The following SLC26A6 variants were observed in gnomAD, a reference collection of about 807,000 sequenced individuals.
SLC26A6 encodes the protein solute carrier family 26 member 6.
Under a neutral mutation model 87.1 loss-of-function variants are expected in SLC26A6, and 67 were observed. The ratio of observed to expected loss-of-function variants is 0.77; its 90% confidence interval spans 0.63 to 0.94. SLC26A6 has a LOEUF of 0.94. SLC26A6 is among the 40% of genes least tolerant of loss of function. SLC26A6 has a pLI of 0.00. For missense variants in SLC26A6, 902 were observed against 973.0 expected (o/e 0.93, Z 0.97); for synonymous variants, 414 against 405.9 (o/e 1.02, Z -0.24).
chr3:48,625,924 AG>A lies in SLC26A6; in HGVS notation c.*61del, dbSNP rs1459427590. On this transcript the variant is annotated 3_prime_UTR_variant, in exon 21 of 21. Coordinates refer to ENST00000395550, the MANE Select transcript of SLC26A6 (RefSeq NM_022911.3). The surrounding 1 kb of genome is among the most constrained non-coding windows in gnomAD (Gnocchi z 4.7). ...AGCACCTGGAGGCGGCCTAGGGGTG[AG>A]GGGCTTCTCAAGGGTGCCCTGCACC... is the stretch of plus-strand genomic sequence containing the variant. 1.2e-6 allele frequency: 2 copies of A among 1,610,574 alleles called. No homozygotes were observed. The highest frequency in any genetic ancestry group is 3.3e-5 in the Admixed American group (2 of 59,832).
chr3:48,631,012 T>C lies in SLC26A6; in HGVS notation c.1115A>G (p.Tyr372Cys). The C allele has an allele frequency of 1.2e-6, 2 of 1,613,784 alleles. No homozygotes were observed. Among genetic ancestry groups the C allele is most frequent in the South Asian group, 1.1e-5 (1 of 91,088 alleles). The change falls in exon 9 of 21, where the codon TAC becomes TGC. Residue 372 changes from tyrosine to cysteine, a missense_variant. By Grantham distance (194) the Tyr-to-Cys change is radical. Transcript: ENST00000395550. ...CCAGACCTGGTTGCTGTCCACCCGG[T>C]AGCCGTGCCTCAGGGCGAAGATCTT... Reference protein sequence around the residue: ...LGKIFALRHGYRVDSNQELVA... With the variant: ...LGKIFALRHGCRVDSNQELVA...
chr3:48,631,445 A>AG lies in SLC26A6; in HGVS notation c.904-140dup, dbSNP rs1056586365. The AG allele has an allele frequency of 2.2e-5, 25 of 1,124,628 alleles. No individual in the cohort carries two copies. The African/African-American group carries it at 3.0e-4, about 13-fold the overall frequency. The allele number at this position is 1,124,628 out of a possible 1,614,324, so 69.7% of individuals were successfully genotyped here. On this transcript the variant is annotated intron_variant, in intron 7 of 20. Coordinates refer to ENST00000395550, the MANE Select transcript of SLC26A6 (RefSeq NM_022911.3). ...GAAAAAGTCACGTAGGGTGAGAGAC[A>AG]GGCAACACCATTTCGGCTATGGGGA...
Position 48,631,479 on chromosome 3 carries a change from CAG to C in SLC26A6, c.903+168_903+169del, listed in dbSNP as rs968363595. 1.9e-5 allele frequency: 21 copies of C among 1,106,832 alleles called. 1 individual carries two copies. Among genetic ancestry groups the C allele is most frequent in the African/African-American group, 1.9e-4 (12 of 63,332 alleles). 68.6% of individuals were successfully genotyped at this position (1,106,832 alleles called of 1,614,324 possible). ...CATTTCGGCTATGGGGAGATGCTGTCAGGGGCAGGAAGAAACCAACATAGGGG... is the reference window on the plus strand; with the variant it reads ...CATTTCGGCTATGGGGAGATGCTGTCGGGCAGGAAGAAACCAACATAGGGG... On this transcript the variant is annotated intron_variant, in intron 7 of 20. Transcript: ENST00000395550.
In SLC26A6 at chr3:48,631,207, T is replaced by G. The variant is rs1292408098; in HGVS notation, c.986+17A>C. 6.2e-7 allele frequency: 1 copy of G among 1,611,866 alleles called. No homozygotes were observed. The highest frequency in any genetic ancestry group is 2.2e-5 in the East Asian group (1 of 44,826). On this transcript the variant is annotated intron_variant, in intron 8 of 20. Transcript: ENST00000395550. Reference sequence around the variant, plus strand: ...GGCTGCCCAACCCTCCCTGACCTGATGGAGGCCAGAGCTCACCCTGCAGGG... The same window carrying G: ...GGCTGCCCAACCCTCCCTGACCTGAGGGAGGCCAGAGCTCACCCTGCAGGG...
At chr3:48,632,454 C>A (rs2046832135) in intron 4 of SLC26A6, 58 bp from the exon 5 acceptor site, 1 of 1,572,814 alleles carries the variant, frequency 6.4e-7, no homozygotes, top group Non-Finnish European at 8.6e-7. Context: ...TGCCCTGGAG[C>A]CCTGGTCTTA....
chr3:48,626,736 G>A (rs55807958), intron 18 of SLC26A6, 51 bp from the exon 19 acceptor site: 95 of 1,612,680 alleles, frequency 5.9e-5, no homozygotes, highest in Admixed American at 8.3e-5. Context: ...GGACTCAGAG[G>A]GGGGCTCGGG....
At chr3:48,627,471 ATT>A in intron 17 of SLC26A6, 1 of 182,778 alleles carries the variant, frequency 5.5e-6, no homozygotes, top group Non-Finnish European at 1.1e-5. Context: ...TGACCCCTCA[ATT>A]TTTTTTTTAG....
chr3:48,628,134 G>A lies in SLC26A6; in HGVS notation c.1801-96C>T. On this transcript the variant is annotated intron_variant, in intron 16 of 20. Transcript: ENST00000395550. This position sits in a 1 kb window ranked among gnomAD's most constrained non-coding sequence, Gnocchi z 4.4. ...GGTGATGCCCCCTGGTGCTGGGCAG[G>A]TGGGTGGGCCAGGACCAGAAGCTGT... 2 of 1,222,354 alleles carry A rather than the reference G, an allele frequency of 1.6e-6. No individual in the cohort carries two copies. The highest frequency in any genetic ancestry group is 2.3e-6 in the Non-Finnish European group (2 of 875,310). The allele number at this position is 1,222,354 out of a possible 1,614,324, so 75.7% of individuals were successfully genotyped here.
Position 48,626,242 on chromosome 3 carries a change from C to T in SLC26A6, c.2241G>A (p.Arg747=), listed in dbSNP as rs776661030. Residue 747 remains arginine, a synonymous_variant, in exon 20 of 21, where the codon AGG becomes AGA. Transcript: ENST00000395550. ...DAVTFALQHP[R]PVPDSPVSVT... is the part of the protein sequence containing the mutation. ...CCGAAACAGGGCTGTCGGGGACAGGCCTCGGGTGTTGGAGGGCAAAGGTGA... is the reference window on the plus strand; with the variant it reads ...CCGAAACAGGGCTGTCGGGGACAGGTCTCGGGTGTTGGAGGGCAAAGGTGA... 3.0e-5 allele frequency: 49 copies of T among 1,613,868 alleles called. No individual in the cohort carries two copies. The highest frequency in any genetic ancestry group is 4.1e-5 in the Non-Finnish European group (48 of 1,179,998).
intron 19 of SLC26A6, 104 bp from the exon 20 acceptor site, chr3:48,626,458 C>A: frequency 5.1e-6 from 8 of 1,567,484 alleles, no homozygotes; most frequent in Non-Finnish European, 7.0e-6. Flanking sequence ...ACCTCCACCC[C>A]TGAGGCTACA....
chr3:48,634,392 G>C (rs574900685), intron 1 of SLC26A6: 2 of 152,360 alleles, frequency 1.3e-5, no homozygotes, highest in East Asian at 3.9e-4. Flanking sequence ...ACCTACCAGG[G>C]AATCTTTATC....
At position 48,635,425 on chromosome 3, in the gene SLC26A6, T is replaced by C. The variant is rs758139454; in HGVS notation, c.-32A>G. On this transcript the variant is annotated 5_prime_UTR_variant, in exon 1 of 21. Transcript: ENST00000395550. ...CAAGTTGTCCGGTGCGGGCTGCTCC[T>C]GCTGCTCGAGCTAGAGGCCGCTACG... 2 of 1,569,814 alleles carry C rather than the reference T, an allele frequency of 1.3e-6. No individual in the cohort carries two copies. The highest frequency in any genetic ancestry group is 1.8e-5 in the Admixed American group (1 of 54,588).
At position 48,630,293 on chromosome 3, in the gene SLC26A6, C is replaced by T. The variant is rs983939078; in HGVS notation, c.1327-136G>A. 6 of 1,306,544 alleles carry T rather than the reference C, an allele frequency of 4.6e-6. No individual in the cohort carries two copies. The African/African-American group carries it at 5.9e-5, about 13-fold the overall frequency. The allele number at this position is 1,306,544 out of a possible 1,614,324, so 80.9% of individuals were successfully genotyped here. On this transcript the variant is annotated intron_variant, in intron 11 of 20. Transcript: ENST00000395550. Reference sequence around the variant, plus strand: ...ACAAACCCCCACCCAGCCCCTGACCCTTGTCTCCAAATCTCACCTTGAAGA... The same window carrying T: ...ACAAACCCCCACCCAGCCCCTGACCTTTGTCTCCAAATCTCACCTTGAAGA...
intron 14 of SLC26A6, 70 bp downstream of exon 14, chr3:48,629,572 C>T (rs2046721157): frequency 2.7e-6 from 4 of 1,485,786 alleles, no homozygotes; most frequent in Non-Finnish European, 2.7e-6. Flanking sequence ...AAGTGTGGAA[C>T]GAATCCACAA....
chr3:48,625,817 C>G lies in SLC26A6; in HGVS notation c.*169G>C, dbSNP rs1386025924. On this transcript the variant is annotated 3_prime_UTR_variant, in exon 21 of 21. Transcript: ENST00000395550. This position sits in a 1 kb window ranked among gnomAD's most constrained non-coding sequence, Gnocchi z 4.7. The stretch of plus-strand genomic sequence containing the variant: ...CAGCCTGACTGCATGCAGGCCCTGT[C>G]CCAGACCTGGAGCGCTGAACTTGGA... 8.8e-6 allele frequency: 7 copies of G among 797,332 alleles called. No homozygotes were observed. The highest frequency in any genetic ancestry group is 1.2e-5 in the Non-Finnish European group (6 of 495,256). 49.4% of individuals were successfully genotyped at this position (797,332 alleles called of 1,614,324 possible).
Position 48,630,162 on chromosome 3 carries a change from G to C in SLC26A6, c.1327-5C>G, listed in dbSNP as rs367577022. The C allele has an allele frequency of 1.2e-6, 2 of 1,605,212 alleles. No individual in the cohort carries two copies. The highest frequency in any genetic ancestry group is 2.7e-5 in the African/African-American group (2 of 74,732). On this transcript the variant is annotated splice_region_variant and splice_polypyrimidine_tract_variant and intron_variant, in intron 11 of 20. Transcript: ENST00000395550. ...GATGATGGCTGCCAGGACCGCCTGG[G>C]GTGGGGACAGTGCCACCAGGGGCCA... is the stretch of plus-strand genomic sequence containing the variant.
In SLC26A6 at chr3:48,630,474, A is replaced by G. The variant is rs1376170373; in HGVS notation, c.1290T>C (p.Ile430=). 6.4e-7 allele frequency: 1 copy of G among 1,560,908 alleles called. No homozygotes were observed. Among genetic ancestry groups the G allele is most frequent in the Admixed American group, 1.9e-5 (1 of 52,342 alleles). The change falls in exon 11 of 21, where the codon ATT becomes ATC. Residue 430 remains isoleucine (I), a synonymous_variant. Coordinates refer to ENST00000395550, the MANE Select transcript of SLC26A6 (RefSeq NM_022911.3). ...CATGGAAGAGTTCCCCAAGTTTGAC[A>G]ATGATGAGGAGGATGAAAAGGGAAG... ...AISSLFILLI[I]VKLGELFHDL...
chr3:48,633,396 G>C lies in SLC26A6; in HGVS notation c.183-6C>G. 6.2e-7 allele frequency: 1 copy of C among 1,613,264 alleles called. No homozygotes were observed. The highest frequency in any genetic ancestry group is 8.5e-7 in the Non-Finnish European group (1 of 1,179,974). On this transcript the variant is annotated splice_region_variant and splice_polypyrimidine_tract_variant and intron_variant, in intron 2 of 20. Coordinates refer to ENST00000395550, the MANE Select transcript of SLC26A6 (RefSeq NM_022911.3). ...AGGCCCGAGCACGGGAGCACCTAGG[G>C]ACATGATATGAGGGGTAGGTGTCAG...
chr3:48,627,219 C>T, intron 17 of SLC26A6, 164 bp from the exon 18 acceptor site: 2 of 821,448 alleles, frequency 2.4e-6, no homozygotes. Flanking sequence ...ACAGGAATGA[C>T]AGATGTGTGG....
Sources: allele counts gnomAD v4.1 joint callset, GRCh38; gene constraint gnomAD v4.1.1; non-coding constraint Gnocchi (gnomAD v3.1); transcripts MANE v1.5; gene names NCBI Gene and HGNC (gene_info 2026-07-23, HGNC 2026-07-21).